The following CSRP1 variants were observed in gnomAD, a reference collection of about 807,000 sequenced individuals.
CSRP1 encodes cysteine and glycine rich protein 1, also known as cysteine and glycine-rich protein 1.
Under a neutral mutation model 25.4 loss-of-function variants are expected in CSRP1, and 16 were observed. The ratio of observed to expected loss-of-function variants is 0.63; its 90% confidence interval spans 0.43 to 0.96. The LOEUF (loss-of-function observed/expected upper bound fraction) is 0.96. Ranked by LOEUF, CSRP1 falls within the 40% of genes least tolerant of loss-of-function variation. The probability of loss-of-function intolerance (pLI) is 0.00; values close to 1 mark genes in which losing one functional copy is unlikely to be tolerated. For missense variants in CSRP1, 212 were observed against 243.6 expected, an observed-to-expected ratio of 0.87 and a Z score of 0.86; for synonymous variants, 97 against 95.3, an observed-to-expected ratio of 1.02 and a Z score of -0.10.
At chr1:201,490,017 A>G in intron 3 of CSRP1, 159 bp downstream of exon 3, 1 of 669,204 alleles carries the variant, frequency 1.5e-6, no homozygotes. Context: ...CTCCTGCAGC[A>G]GCCTGACACA....
Position 201,496,573 on chromosome 1 carries a change from T to C in CSRP1, c.-1-269A>G, listed in dbSNP as rs768088030. On this transcript the variant is annotated intron_variant, in intron 1 of 5. Coordinates refer to ENST00000340006, the MANE Select transcript of CSRP1 (RefSeq NM_004078.3). The stretch of plus-strand genomic sequence containing the variant: ...GCCCTGTGCTAGGCACTCTAAAGGA[T>C]GTGGATCAGCAGAAGAAGCAGGCTT... The C allele has an allele frequency of 5.4e-5, 26 of 485,830 alleles. No individual in the cohort carries two copies. The Admixed American group carries it at 8.5e-4, about 16-fold the overall frequency. The allele number at this position is 485,830 out of a possible 1,614,324, so 30.1% of individuals were successfully genotyped here.
In CSRP1 at chr1:201,490,370, G is replaced by A. The variant is rs772011726; in HGVS notation, c.113-26C>T. ...CTGTGGAGGGGAAGGGGAAGCGGAC[G>A]CATTGAGTTGAAGCTGGGGTGACCT... On this transcript the variant is annotated intron_variant, in intron 2 of 5. Coordinates refer to ENST00000340006, the MANE Select transcript of CSRP1 (RefSeq NM_004078.3). 9 of 1,609,080 alleles carry A rather than the reference G, an allele frequency of 5.6e-6. No individual in the cohort carries two copies. The East Asian group carries it at 6.7e-5, about 12-fold the overall frequency.
chr1:201,502,424 T>C (rs673640), intron 1 of CSRP1, among the ~76,000 whole-genome samples: 12,342 of 152,238 alleles, frequency 0.081, 529 homozygotes, highest in South Asian at 0.095. Context: ...AGGAGGGGGC[T>C]GGGCTGGTCA....
intron 4 of CSRP1, 97 bp from the exon 5 acceptor site, chr1:201,485,473 T>C: frequency 1.9e-6 from 2 of 1,029,732 alleles, no homozygotes; most frequent in Non-Finnish European, 3.0e-6. Flanking sequence ...GTATAAGGGC[T>C]CAAGCCACTT....
intron 1 of CSRP1, among the ~76,000 whole-genome samples, chr1:201,506,223 CG>C (rs1664818925): frequency 6.6e-6 from 1 of 152,046 alleles, no homozygotes; most frequent in Admixed American, 6.5e-5. Flanking sequence ...AGTATCCCAG[CG>C]TGGGGAGAGC....
rs778584079 is a variant in CSRP1 at position 201,490,216 on chromosome 1, T to G, written c.241A>C (p.Ser81Arg). The G allele has an allele frequency of 2.5e-6, 4 of 1,614,206 alleles. No individual in the cohort carries two copies. Among genetic ancestry groups the G allele is most frequent in the Non-Finnish European group, 3.4e-6 (4 of 1,180,036 alleles). The part of the protein sequence containing the change: ...YGYGQGAGTL[S>R]TDKGESLGIK... Reference sequence around the variant, plus strand: ...CCCAGCGACTCCCCCTTGTCAGTGCTGAGGGTGCCTGCGCCCTGCCCGTAG... The same window carrying G: ...CCCAGCGACTCCCCCTTGTCAGTGCGGAGGGTGCCTGCGCCCTGCCCGTAG... Residue 81 changes from serine to arginine, a missense_variant, in exon 3 of 6, where the codon AGC becomes CGC. By Grantham distance (110) the Ser-to-Arg change is moderately radical. Transcript: ENST00000340006.
chr1:201,502,875 C>T lies in CSRP1; in HGVS notation c.-2+4195G>A, dbSNP rs6693682. On this transcript the variant is annotated intron_variant, in intron 1 of 5. Transcript: ENST00000340006. Reference sequence around the variant, plus strand: ...GTTTGCAGGGCGCAGTGGCTCATTCCTATAATCCTAGCACTTGGGGAGGCT... The same window carrying T: ...GTTTGCAGGGCGCAGTGGCTCATTCTTATAATCCTAGCACTTGGGGAGGCT... Among the ~76,000 whole-genome samples the T allele has an allele frequency of 1.5e-3, 227 of 152,050 alleles. 2 individuals are homozygous for T. The highest frequency in any genetic ancestry group is 5.3e-3 in the African/African-American group (219 of 41,434).
chr1:201,484,013 G>C lies in CSRP1; in HGVS notation c.*700C>G. The C allele has an allele frequency of 1.4e-6, 1 of 697,818 alleles. No homozygotes were observed. Among genetic ancestry groups the C allele is most frequent in the Non-Finnish European group, 2.6e-6 (1 of 381,172 alleles). The allele number at this position is 697,818 out of a possible 1,614,324, so 43.2% of individuals were successfully genotyped here. A position where few individuals can be genotyped will look rare whatever the true frequency, so the allele number is the denominator to read the frequency against. ...CATTAGGATCCTCCCATCAAGCAGG[G>C]AACTAGATGTTTGAGAAGATCAAAC... On this transcript the variant is annotated 3_prime_UTR_variant, in exon 6 of 6. Transcript: ENST00000340006.
intron 1 of CSRP1, among the ~76,000 whole-genome samples, chr1:201,505,542 C>T (rs896896082): frequency 2.6e-4 from 40 of 152,304 alleles, no homozygotes; most frequent in African/African-American, 9.6e-4. Flanking sequence ...CTGGGCATCT[C>T]AGGCCTTGCA....
intron 1 of CSRP1, 40 bp from the exon 2 acceptor site, chr1:201,496,344 A>G (rs1664514452): frequency 6.9e-7 from 1 of 1,449,864 alleles, no homozygotes. Flanking sequence ...TTTTACAGGG[A>G]GATGGAAACA....
chr1:201,494,444 C>T lies in CSRP1; in HGVS notation c.112+1748G>A, dbSNP rs568063983. Among the ~76,000 whole-genome samples the T allele has an allele frequency of 5.3e-5, 8 of 152,328 alleles. No homozygotes were observed. The Middle Eastern group carries it at 0.017, about 324-fold the overall frequency. On this transcript the variant is annotated intron_variant, in intron 2 of 5. Transcript: ENST00000340006. ...CCTAAGAGTAGTGAACTGCTGATAACAAGACGCTGCTGTTTCTGGCCTCCT... is the reference window on the plus strand; with the variant it reads ...CCTAAGAGTAGTGAACTGCTGATAATAAGACGCTGCTGTTTCTGGCCTCCT...
intron 1 of CSRP1, among the ~76,000 whole-genome samples, chr1:201,505,519 CA>C (rs1439276504): frequency 2.7e-5 from 4 of 150,924 alleles, no homozygotes; most frequent in African/African-American, 9.8e-5. Context: ...TCTTCTTCCC[CA>C]TACCCTCCAT....
At chr1:201,490,366 G>C (rs1003168141) in intron 2 of CSRP1, 22 bp from the exon 3 acceptor site, 1 of 1,610,248 alleles carries the variant, frequency 6.2e-7, no homozygotes, top group East Asian at 2.2e-5. Context: ...AAGGGGAAGC[G>C]GACGCATTGA....
intron 1 of CSRP1, among the ~76,000 whole-genome samples, chr1:201,501,728 C>CA (rs1458121892): frequency 1.3e-5 from 2 of 152,168 alleles, no homozygotes; most frequent in African/African-American, 2.4e-5. Context: ...TGTGGTGGCT[C>CA]ACGCCTGTAA....
chr1:201,483,998 C>A lies in CSRP1; in HGVS notation c.*715G>T. ...ATGTTTCAGGTATTTCATTAGGATCCTCCCATCAAGCAGGGAACTAGATGT... is the reference window on the plus strand; with the variant it reads ...ATGTTTCAGGTATTTCATTAGGATCATCCCATCAAGCAGGGAACTAGATGT... On this transcript the variant is annotated 3_prime_UTR_variant, in exon 6 of 6. Coordinates refer to ENST00000340006, the MANE Select transcript of CSRP1 (RefSeq NM_004078.3). 2 of 696,438 alleles carry A rather than the reference C, an allele frequency of 2.9e-6. No individual in the cohort carries two copies. The highest frequency in any genetic ancestry group is 4.0e-5 in the Admixed American group (2 of 49,936). The allele number at this position is 696,438 out of a possible 1,614,324, so 43.1% of individuals were successfully genotyped here.
chr1:201,500,830 C>A (rs1456105326), intron 1 of CSRP1, among the ~76,000 whole-genome samples: 1 of 152,208 alleles, frequency 6.6e-6, no homozygotes, highest in Non-Finnish European at 1.5e-5. Flanking sequence ...TAAAAGGAAA[C>A]CTGTTTCTCA....
intron 1 of CSRP1, among the ~76,000 whole-genome samples, chr1:201,497,358 CAAA>C (rs71564149): frequency 5.8e-4 from 26 of 44,580 alleles, no homozygotes; most frequent in African/African-American, 1.9e-3. Context: ...GACTCTGTCT[CAAA>C]AAAAAAAAAA....
chr1:201,495,201 C>A (rs1222858219), intron 2 of CSRP1, among the ~76,000 whole-genome samples: 2 of 152,118 alleles, frequency 1.3e-5, no homozygotes, highest in Admixed American at 1.3e-4. Flanking sequence ...CTCAACGCCA[C>A]CCTGGGTAAT....
Position 201,484,207 on chromosome 1 carries a change from C to A in CSRP1, c.*506G>T. 1.9e-6 allele frequency: 1 copy of A among 540,082 alleles called. No individual in the cohort carries two copies. The highest frequency in any genetic ancestry group is 3.4e-6 in the Non-Finnish European group (1 of 298,500). The allele number at this position is 540,082 out of a possible 1,614,324, so 33.5% of individuals were successfully genotyped here. On this transcript the variant is annotated 3_prime_UTR_variant, in exon 6 of 6. Coordinates refer to ENST00000340006, the MANE Select transcript of CSRP1 (RefSeq NM_004078.3). Reference sequence around the variant, plus strand: ...CCAATAGTGACTCCCTAAGCTGGGACTCCTCAGGCTTACTCTGAGGGACAC... The same window carrying A: ...CCAATAGTGACTCCCTAAGCTGGGAATCCTCAGGCTTACTCTGAGGGACAC...
Sources: gnomAD v4.1 joint callset for allele counts (sites outside exome capture counted in the v4.1 genomes callset) on GRCh38, gnomAD v4.1.1 for gene constraint, MANE v1.5 for transcripts, NCBI Gene and HGNC (gene_info 2026-07-23, HGNC 2026-07-21) for gene names.